Variants in PAX7 observed in about 807,000 individuals in gnomAD.
PAX7 encodes paired box protein Pax-7.
PAX7 carries 18 observed loss-of-function variants against 50.7 expected under a neutral mutation model. The observed-to-expected ratio is 0.36, with a 90% CI of 0.25 to 0.53. The LOEUF is 0.53. PAX7 is among the 20% of genes least tolerant of loss of function. The pLI, the probability that PAX7 is intolerant of heterozygous loss-of-function variation, is 0.93. For synonymous variants in PAX7, 310 were observed against 290.4 expected (o/e 1.07, Z -0.69); for missense variants, 644 against 702.9 (o/e 0.92, Z 0.95).
At chr1:18,644,278 A>T (rs1397616834) in intron 4 of PAX7, among the ~76,000 whole-genome samples, 3 of 152,148 alleles carry the variant, frequency 2.0e-5, no homozygotes, top group Non-Finnish European at 4.4e-5. Context: ...GCAATCTGAG[A>T]GGGGCAAAGT....
chr1:18,656,754 G>T (rs1034478794), intron 4 of PAX7, among the ~76,000 whole-genome samples: 1 of 152,106 alleles, frequency 6.6e-6, no homozygotes, highest in East Asian at 1.9e-4. Flanking sequence ...CAGCACTTTG[G>T]GAAGCTGAGG....
chr1:18,744,949 C>T lies in PAX7; in HGVS notation c.*20C>T, dbSNP rs1931371092. ...TACTAGGGCCCCTGGGGCGACTTGC[C>T]CCAGCCCAATTCCCAGCCCAACCCT... On this transcript the variant is annotated 3_prime_UTR_variant, in exon 9 of 9. Transcript: ENST00000420770. 6.4e-6 allele frequency: 9 copies of T among 1,407,164 alleles called. No individual in the cohort carries two copies. The highest frequency in any genetic ancestry group is 2.0e-5 in the Admixed American group (1 of 50,626). The allele number at this position is 1,407,164 out of a possible 1,614,324, so 87.2% of individuals were successfully genotyped here. A position where few individuals can be genotyped will look rare whatever the true frequency, so the allele number is the denominator to read the frequency against.
intron 6 of PAX7, among the ~76,000 whole-genome samples, chr1:18,701,408 G>A (rs546478036): frequency 1.1e-4 from 16 of 152,012 alleles, no homozygotes; most frequent in African/African-American, 3.6e-4. Context: ...ATGAGTGTGT[G>A]CGTATGAGTG....
chr1:18,681,164 TAAAAAAAAAAAAA>T (rs143668000), intron 4 of PAX7, among the ~76,000 whole-genome samples: 17 of 67,380 alleles, frequency 2.5e-4, no homozygotes, highest in African/African-American at 7.0e-4. Flanking sequence ...CAAAACTCCG[TAAAAAAAAAAAAA>T]AAAAAAAAAA....
Position 18,636,205 on chromosome 1 carries a change from T to C in PAX7, c.452-32T>C, listed in dbSNP as rs757065242. The C allele has an allele frequency of 6.2e-7, 1 of 1,611,054 alleles. No homozygotes were observed. Among genetic ancestry groups the C allele is most frequent in the South Asian group, 1.1e-5 (1 of 90,838 alleles). ...CGCTCGCTCCTCTGCTCCAACAACT[T>C]ATACTTGCTCTTTTGCCTTTGAATT... On this transcript the variant is annotated intron_variant, in intron 3 of 8. Coordinates refer to ENST00000420770, the MANE Select transcript of PAX7 (RefSeq NM_001135254.2). The surrounding 1 kb of genome is among the most constrained non-coding windows in gnomAD (Gnocchi z 5.1).
rs536673378 is a variant in PAX7, at chr1:18,747,765, G to A, written c.*2836G>A. On this transcript the variant is annotated 3_prime_UTR_variant, in exon 9 of 9. Coordinates refer to ENST00000420770, the MANE Select transcript of PAX7 (RefSeq NM_001135254.2). ...TCATTGTACAATAGTTGGAAACGTG[G>A]TGATGTGCTGTTCGTTTATAGAAAG... 1.5e-4 allele frequency: 29 copies of A among 197,318 alleles called. No homozygotes were observed. The South Asian group carries it at 5.6e-3, about 38-fold the overall frequency. 12.2% of individuals were successfully genotyped at this position (197,318 alleles called of 1,614,324 possible).
In PAX7 at chr1:18,635,306, G is replaced by A. The variant is rs971552899; in HGVS notation, c.451+66G>A. The A allele has an allele frequency of 4.4e-6, 7 of 1,576,224 alleles. No individual in the cohort carries two copies. The African/African-American group carries it at 6.8e-5, about 15-fold the overall frequency. On this transcript the variant is annotated intron_variant, in intron 3 of 8. Coordinates refer to ENST00000420770, the MANE Select transcript of PAX7 (RefSeq NM_001135254.2). ...GGCCAGGGGTCCAGTGTGGAGGGCT[G>A]GAGGTGGGAGAGAGGGGAGAGGAGA...
In PAX7 at chr1:18,691,696, C is replaced by T. The variant is rs572158463; in HGVS notation, c.587-58C>T. The T allele has an allele frequency of 1.1e-5, 16 of 1,490,586 alleles. No individual in the cohort carries two copies. The South Asian group carries it at 1.5e-4, about 14-fold the overall frequency. The allele number at this position is 1,490,586 out of a possible 1,614,324, so 92.3% of individuals were successfully genotyped here. A position where few individuals can be genotyped will look rare whatever the true frequency, so the allele number is the denominator to read the frequency against. ...TGCCTTGTGCTCTCCTCCCAGACCCCGGCACCCTTCCATCTCTCTAAGCCC... is the reference window on the plus strand; with the variant it reads ...TGCCTTGTGCTCTCCTCCCAGACCCTGGCACCCTTCCATCTCTCTAAGCCC... On this transcript the variant is annotated intron_variant, in intron 4 of 8. Coordinates refer to ENST00000420770, the MANE Select transcript of PAX7 (RefSeq NM_001135254.2).
rs141114641 is a variant in PAX7 at position 18,732,412 on chromosome 1, G to A, written c.1156-3220G>A. Among the ~76,000 whole-genome samples, 343 of 152,312 alleles carry A rather than the reference G, an allele frequency of 2.3e-3. 2 individuals are homozygous for A. The highest frequency in any genetic ancestry group is 7.5e-3 in the African/African-American group (313 of 41,562). On this transcript the variant is annotated intron_variant, in intron 7 of 8. Coordinates refer to ENST00000420770, the MANE Select transcript of PAX7 (RefSeq NM_001135254.2). ...GCTCAGAATATGTAGCAAGTACCAC[G>A]TAGGCACTGGGACTACAGAGACGGA...
chr1:18,657,798 G>A (rs2088544331), intron 4 of PAX7, among the ~76,000 whole-genome samples: 1 of 151,752 alleles, frequency 6.6e-6, no homozygotes. Flanking sequence ...TATTGAGAAT[G>A]CCCCCTAAAA....
chr1:18,735,912 C>G lies in PAX7; in HGVS notation c.1402+34C>G, dbSNP rs1463988529. 1 of 1,614,002 alleles carries G rather than the reference C, an allele frequency of 6.2e-7. No individual in the cohort carries two copies. Among genetic ancestry groups the G allele is most frequent in the East Asian group, 2.2e-5 (1 of 44,850 alleles). On this transcript the variant is annotated intron_variant, in intron 8 of 8. Coordinates refer to ENST00000420770, the MANE Select transcript of PAX7 (RefSeq NM_001135254.2). The surrounding 1 kb of genome is among the most constrained non-coding windows in gnomAD (Gnocchi z 4.0). Reference sequence around the variant, plus strand: ...CTGGTGCCCTGGGCGTCCCCCGTCCCCATTCCTTCTCCCACCCCCAGGGCC... The same window carrying G: ...CTGGTGCCCTGGGCGTCCCCCGTCCGCATTCCTTCTCCCACCCCCAGGGCC...
intron 4 of PAX7, among the ~76,000 whole-genome samples, chr1:18,667,519 T>G (rs2088688718): frequency 6.6e-6 from 1 of 151,904 alleles, no homozygotes; most frequent in African/African-American, 2.4e-5. Context: ...AGAAGCCAGA[T>G]TCTCATAAAA....
intron 7 of PAX7, among the ~76,000 whole-genome samples, chr1:18,725,186 C>T (rs1167014976): frequency 2.0e-5 from 3 of 152,094 alleles, no homozygotes; most frequent in Admixed American, 6.5e-5. Context: ...GTCCTTAACA[C>T]GTTGTGATAT....
chr1:18,663,508 G>T (rs554832104), intron 4 of PAX7, among the ~76,000 whole-genome samples: 1 of 152,260 alleles, frequency 6.6e-6, no homozygotes, highest in African/African-American at 2.4e-5. Context: ...TCAGCCTCTC[G>T]AGTAGCTGGG....
At chr1:18,683,695 T>C (rs2088931500) in intron 4 of PAX7, among the ~76,000 whole-genome samples, 1 of 151,998 alleles carries the variant, frequency 6.6e-6, no homozygotes, top group African/African-American at 2.4e-5. Context: ...CAAAAATTAG[T>C]CCGGCACGGT....
At chr1:18,713,502 T>C (rs1570213194) in intron 7 of PAX7, among the ~76,000 whole-genome samples, 1 of 152,358 alleles carries the variant, frequency 6.6e-6, no homozygotes, top group Middle Eastern at 3.4e-3. Context: ...TGGTTTGCAC[T>C]TGAATATCAT....
At chr1:18,702,746 A>C (rs1170626929) in intron 6 of PAX7, among the ~76,000 whole-genome samples, 4 of 152,118 alleles carry the variant, frequency 2.6e-5, no homozygotes, top group Non-Finnish European at 5.9e-5. Flanking sequence ...GACGCTCACA[A>C]AACAAAACAG....
At chr1:18,670,807 G>A (rs2088737693) in intron 4 of PAX7, among the ~76,000 whole-genome samples, 1 of 152,170 alleles carries the variant, frequency 6.6e-6, no homozygotes, top group Admixed American at 6.5e-5. Context: ...CCACTTAAGA[G>A]GATGTACCGT....
intron 4 of PAX7, among the ~76,000 whole-genome samples, chr1:18,637,667 A>G (rs1166809881): frequency 1.3e-5 from 2 of 152,252 alleles, no homozygotes; most frequent in African/African-American, 4.8e-5. Flanking sequence ...AAGCCGGCTT[A>G]CTAAGACAAC....
Sources: gnomAD v4.1 joint callset for allele counts (sites outside exome capture counted in the v4.1 genomes callset) on GRCh38, gnomAD v4.1.1 for gene constraint, Gnocchi (gnomAD v3.1) non-coding constraint, MANE v1.5 for transcripts, NCBI Gene and HGNC (gene_info 2026-07-23, HGNC 2026-07-21) for gene names.